The following RABGAP1 variants were observed in gnomAD, a reference collection of about 807,000 sequenced individuals.
The protein encoded by RABGAP1 is rab GTPase-activating protein 1.
RABGAP1 carries 23 observed loss-of-function variants against 137.6 expected under a neutral mutation model. The ratio of observed to expected loss-of-function variants is 0.17; its 90% CI spans 0.12 to 0.24. The LOEUF is 0.24. Among genes scored for constraint, RABGAP1 ranks in the 10% least tolerant of loss-of-function variants. The pLI is 1.00. For missense variants in RABGAP1, 906 were observed against 1,275.8 expected, an observed-to-expected ratio of 0.71 and a Z score of 4.42; for synonymous variants, 451 against 450.7, an observed-to-expected ratio of 1.00 and a Z score of -0.01.
At chr9:123,019,411 C>T (rs2031463706) in intron 12 of RABGAP1, among the ~76,000 whole-genome samples, 1 of 151,702 alleles carries the variant, frequency 6.6e-6, no homozygotes, top group South Asian at 2.1e-4. Context: ...CAGCCTTGAA[C>T]TCCTAGGCTC....
At chr9:123,071,555 C>CCT (rs2034356493) in intron 15 of RABGAP1, 1 of 152,210 alleles carries the variant, frequency 6.6e-6, no homozygotes, top group African/African-American at 2.4e-5. Context: ...GTGAATCCAA[C>CCT]TAGCTTTAAG....
At position 122,960,728 on chromosome 9, in the gene RABGAP1, A is replaced by C. The variant is rs1053003508; in HGVS notation, c.150+3519A>C. On this transcript the variant is annotated intron_variant, in intron 2 of 25. Coordinates refer to ENST00000373647, the MANE Select transcript of RABGAP1 (RefSeq NM_012197.4). ...GAGTTTAACACAGAGCTTTCAAGGT[A>C]GCTATTATTAATATATTCAGCAAAC... 3.3e-5 allele frequency among the ~76,000 whole-genome samples: 5 copies of C among 152,354 alleles called. No individual in the cohort carries two copies. The East Asian group carries it at 7.7e-4, about 23-fold the overall frequency.
chr9:122,983,579 T>C (rs1387071803), intron 2 of RABGAP1, among the ~76,000 whole-genome samples: 3 of 152,252 alleles, frequency 2.0e-5, no homozygotes, highest in Non-Finnish European at 4.4e-5. Context: ...CTAGCATCTG[T>C]GTTAATTTTG....
At chr9:123,018,656 GT>G (rs1262923744) in intron 12 of RABGAP1, among the ~76,000 whole-genome samples, 7 of 152,334 alleles carry the variant, frequency 4.6e-5, no homozygotes, top group Admixed American at 2.0e-4. Flanking sequence ...TTTACATAAT[GT>G]TTTTATCTAA....
chr9:122,968,176 A>T (rs181329441), intron 2 of RABGAP1, among the ~76,000 whole-genome samples: 5 of 150,822 alleles, frequency 3.3e-5, no homozygotes, highest in African/African-American at 7.3e-5. Flanking sequence ...GGTATCCATT[A>T]CCTTAAGCAT....
At chr9:122,957,877 TTTAA>T (rs1834616314) in intron 2 of RABGAP1, among the ~76,000 whole-genome samples, 1 of 144,014 alleles carries the variant, frequency 6.9e-6, no homozygotes, top group Non-Finnish European at 1.5e-5. Flanking sequence ...CTTCTAGAGC[TTTAA>T]TTCTTTTTTT....
chr9:122,950,537 C>T (rs1834189360), intron 1 of RABGAP1, among the ~76,000 whole-genome samples: 1 of 151,886 alleles, frequency 6.6e-6, no homozygotes, highest in Non-Finnish European at 1.5e-5. Context: ...TAGTAGAGCC[C>T]TGCTGTGTAT....
chr9:123,097,866 T>G, intron 22 of RABGAP1, 21 bp downstream of exon 22: 1 of 1,595,460 alleles, frequency 6.3e-7, no homozygotes, highest in Middle Eastern at 1.7e-4. Context: ...TCTCCCACAT[T>G]CCTCTGTCTT....
rs541275606 is a variant in RABGAP1, at chr9:123,097,976, T to C, written c.2733+131T>C. 1.6e-3 allele frequency: 1,112 copies of C among 695,924 alleles called. 2 individuals carry two copies. The highest frequency in any genetic ancestry group is 2.2e-3 in the Non-Finnish European group (913 of 423,710). The allele number at this position is 695,924 out of a possible 1,614,324, so 43.1% of individuals were successfully genotyped here. On this transcript the variant is annotated intron_variant, in intron 22 of 25. Transcript: ENST00000373647. ...AGTTTCTTTCCAAAGACTTTTTTTT[T>C]CCCCCTACTGTGTAAAGTCCAATGG... is the stretch of plus-strand genomic sequence containing the variant.
intron 13 of RABGAP1, among the ~76,000 whole-genome samples, chr9:123,051,333 C>T (rs571401317): frequency 3.5e-5 from 5 of 143,028 alleles, no homozygotes; most frequent in East Asian, 2.2e-4. Flanking sequence ...CTGCAACCTC[C>T]GCCTCCCAGG....
intron 2 of RABGAP1, among the ~76,000 whole-genome samples, chr9:122,979,001 T>C (rs1835910999): frequency 6.6e-6 from 1 of 152,106 alleles, no homozygotes; most frequent in African/African-American, 2.4e-5. Flanking sequence ...TGGGTTCAAG[T>C]GATCCTCCCA....
chr9:123,010,963 T>C (rs2030752394), intron 11 of RABGAP1, among the ~76,000 whole-genome samples: 1 of 151,930 alleles, frequency 6.6e-6, no homozygotes, highest in African/African-American at 2.4e-5. Flanking sequence ...TATATTACTA[T>C]GTTTTACACT....
upstream of RABGAP1, chr9:122,940,009 T>C (rs1304723863): frequency 6.6e-6 from 1 of 152,086 alleles, no homozygotes; most frequent in East Asian, 1.9e-4. Flanking sequence ...AATTATCAAG[T>C]CTTATGAGCC....
At chr9:123,045,432 A>T (rs184886596) in intron 13 of RABGAP1, among the ~76,000 whole-genome samples, 2 of 152,304 alleles carry the variant, frequency 1.3e-5, no homozygotes, top group African/African-American at 4.8e-5. Context: ...ATGTATTCGT[A>T]GGAATCTAAG....
chr9:123,047,478 A>C (rs1224212050), intron 13 of RABGAP1, among the ~76,000 whole-genome samples: 1 of 152,210 alleles, frequency 6.6e-6, no homozygotes, highest in Non-Finnish European at 1.5e-5. Flanking sequence ...AGATACTAAT[A>C]TACTTTGCTT....
chr9:122,967,196 G>A (rs1835206113), intron 2 of RABGAP1, among the ~76,000 whole-genome samples: 1 of 152,196 alleles, frequency 6.6e-6, no homozygotes, highest in African/African-American at 2.4e-5. Context: ...CAAGATGCAG[G>A]CCTTGGGGAT....
chr9:123,086,265 A>G (rs1024690271), intron 19 of RABGAP1, among the ~76,000 whole-genome samples: 2 of 152,254 alleles, frequency 1.3e-5, no homozygotes, highest in Non-Finnish European at 2.9e-5. Context: ...CTTGCATTGC[A>G]TGTCCACTTT....
At chr9:123,008,801 C>T (rs759538987) in intron 10 of RABGAP1, among the ~76,000 whole-genome samples, 1 of 152,100 alleles carries the variant, frequency 6.6e-6, no homozygotes, top group Non-Finnish European at 1.5e-5. Flanking sequence ...CTTGGATTTA[C>T]ATGGTCCTTC....
At chr9:123,027,654 T>C (rs1468874651) in intron 13 of RABGAP1, among the ~76,000 whole-genome samples, 1 of 152,232 alleles carries the variant, frequency 6.6e-6, no homozygotes, top group South Asian at 2.1e-4. Flanking sequence ...ATGTTGGCCA[T>C]GGAGGAGGAA....
Sources: allele counts gnomAD v4.1 joint callset (sites outside exome capture counted in the v4.1 genomes callset), GRCh38; gene constraint gnomAD v4.1.1; transcripts MANE v1.5; gene names NCBI Gene and HGNC (gene_info 2026-07-23, HGNC 2026-07-21).